The following NMNAT2 variants were observed in gnomAD, a reference collection of about 807,000 sequenced individuals.
NMNAT2 encodes nicotinamide/nicotinic acid mononucleotide adenylyltransferase 2.
In NMNAT2, 11 loss-of-function variants were observed where a neutral mutation model predicts 41.6. The ratio of observed to expected loss-of-function variants is 0.26; its 90% confidence interval spans 0.17 to 0.44. The LOEUF is 0.44. Ranked by LOEUF, NMNAT2 falls within the 20% of genes least tolerant of loss-of-function variation. The pLI, the probability that NMNAT2 is intolerant of heterozygous loss-of-function variation, is 1.00. For synonymous variants in NMNAT2, 148 were observed against 151.2 expected (o/e 0.98, Z 0.16); for missense variants, 288 against 407.7 (o/e 0.71, Z 2.53).
At chr1:183,304,824 A>G in intron 1 of NMNAT2, 1 of 1,601,010 alleles carries the variant, frequency 6.2e-7, no homozygotes, top group Non-Finnish European at 8.5e-7. Flanking sequence ...CTGCTCCCTC[A>G]TTGTTGCTGA....
chr1:183,328,444 C>A (rs1010052834), intron 1 of NMNAT2, among the ~76,000 whole-genome samples: 1 of 152,210 alleles, frequency 6.6e-6, no homozygotes, highest in Non-Finnish European at 1.5e-5. Flanking sequence ...GCCTCCCTAC[C>A]ATTCCTCCTT....
chr1:183,261,221 G>A lies in NMNAT2; in HGVS notation c.734C>T (p.Ser245Leu), dbSNP rs376604367. The change falls in exon 9 of 11, where the codon TCA becomes TTA. Residue 245 changes from serine to leucine, a missense_variant. By Grantham distance (145) the Ser-to-Leu change is moderately radical. Coordinates refer to ENST00000287713, the MANE Select transcript of NMNAT2 (RefSeq NM_015039.4). ...ADTDRIMNHSSILRKYKNNIM... is the reference protein window; with the variant it reads ...ADTDRIMNHSLILRKYKNNIM... ...ACTCACTTTGTATTTGCGGAGTATT[G>A]AGGAGTGATTCATGATTCGGTCTGT... 2 of 1,614,166 alleles carry A rather than the reference G, an allele frequency of 1.2e-6. No homozygotes were observed. The highest frequency in any genetic ancestry group is 2.2e-5 in the South Asian group (2 of 91,086).
At chr1:183,353,153 C>T (rs891644098) in intron 1 of NMNAT2, among the ~76,000 whole-genome samples, 1 of 152,024 alleles carries the variant, frequency 6.6e-6, no homozygotes, top group South Asian at 2.1e-4. Context: ...ATTACAGGTG[C>T]CTGCCATCGT....
At chr1:183,347,927 A>G (rs1279976688) in intron 1 of NMNAT2, among the ~76,000 whole-genome samples, 1 of 152,126 alleles carries the variant, frequency 6.6e-6, no homozygotes, top group African/African-American at 2.4e-5. Context: ...TTCAATGACT[A>G]CTTGCGCTGG....
chr1:183,284,164 G>A, intron 6 of NMNAT2, 125 bp from the exon 7 acceptor site: 2 of 773,356 alleles, frequency 2.6e-6, no homozygotes, highest in Non-Finnish European at 4.2e-6. Flanking sequence ...GTAGGGGTGT[G>A]GTGTGCCACC....
At chr1:183,341,048 G>A (rs1336620846) in intron 1 of NMNAT2, among the ~76,000 whole-genome samples, 2 of 152,224 alleles carry the variant, frequency 1.3e-5, no homozygotes, top group Non-Finnish European at 2.9e-5. Flanking sequence ...CAGCCTGGGC[G>A]ACTTGCCCAA....
chr1:183,309,073 A>T (rs1662054370), intron 1 of NMNAT2, among the ~76,000 whole-genome samples: 1 of 152,132 alleles, frequency 6.6e-6, no homozygotes, highest in Non-Finnish European at 1.5e-5. Context: ...GCTGGAGTGC[A>T]GTGGTGCGAT....
intron 1 of NMNAT2, among the ~76,000 whole-genome samples, chr1:183,369,263 C>CTTTTTTTTTTA (rs1663478852): frequency 7.1e-6 from 1 of 140,088 alleles, no homozygotes; most frequent in Non-Finnish European, 1.5e-5. Flanking sequence ...CTTTTCTTTT[C>CTTTTTTTTTTA]TTTTTTTTTT....
At chr1:183,397,133 T>C (rs1199134318) in intron 1 of NMNAT2, among the ~76,000 whole-genome samples, 1 of 152,180 alleles carries the variant, frequency 6.6e-6, no homozygotes, top group Admixed American at 6.5e-5. Flanking sequence ...TTCTTGAGTG[T>C]GTACTTTTTA....
chr1:183,327,147 C>A (rs530580289), intron 1 of NMNAT2, among the ~76,000 whole-genome samples: 25 of 152,168 alleles, frequency 1.6e-4, no homozygotes, highest in African/African-American at 5.8e-4. Context: ...GCCTCCCAGG[C>A]TCAAGCAATT....
chr1:183,389,914 GGAAA>G (rs1196400848), intron 1 of NMNAT2, among the ~76,000 whole-genome samples: 1 of 145,686 alleles, frequency 6.9e-6, no homozygotes, highest in African/African-American at 2.5e-5. Context: ...AAGGAAGGAA[GGAAA>G]GAAAGAAAAT....
chr1:183,377,200 A>C (rs544028138), intron 1 of NMNAT2, among the ~76,000 whole-genome samples: 1 of 152,232 alleles, frequency 6.6e-6, no homozygotes, highest in East Asian at 1.9e-4. Flanking sequence ...GTGCAACATT[A>C]TATCTGGAGA....
intron 1 of NMNAT2, among the ~76,000 whole-genome samples, chr1:183,319,306 T>C (rs1022961110): frequency 6.6e-6 from 1 of 152,204 alleles, no homozygotes; most frequent in South Asian, 2.1e-4. Context: ...CCTGGAGGCA[T>C]TTACACACCA....
At chr1:183,323,270 C>T (rs939547119) in intron 1 of NMNAT2, among the ~76,000 whole-genome samples, 1 of 152,216 alleles carries the variant, frequency 6.6e-6, no homozygotes, top group African/African-American at 2.4e-5. Context: ...TAAATCTGCA[C>T]CACCACTTCC....
At chr1:183,281,520 A>G (rs1018570137) in intron 7 of NMNAT2, among the ~76,000 whole-genome samples, 1 of 152,246 alleles carries the variant, frequency 6.6e-6, no homozygotes, top group African/African-American at 2.4e-5. Flanking sequence ...ATAATATGGG[A>G]CTTTTATGTT....
chr1:183,414,902 T>A (rs1057222354), intron 1 of NMNAT2, among the ~76,000 whole-genome samples: 1 of 152,184 alleles, frequency 6.6e-6, no homozygotes, highest in South Asian at 2.1e-4. Flanking sequence ...CTATTTAAAA[T>A]GCCTAATTTC....
chr1:183,255,353 G>A (rs774956579), intron 10 of NMNAT2, among the ~76,000 whole-genome samples: 1 of 152,130 alleles, frequency 6.6e-6, no homozygotes, highest in Non-Finnish European at 1.5e-5. Flanking sequence ...GAAGTGTGAT[G>A]CCTCCAACTT....
At chr1:183,281,944 C>T (rs1004198737) in intron 7 of NMNAT2, among the ~76,000 whole-genome samples, 6 of 152,252 alleles carry the variant, frequency 3.9e-5, no homozygotes, top group African/African-American at 1.2e-4. Context: ...CCCCAGGTCA[C>T]GCTGATCCAG....
intron 8 of NMNAT2, among the ~76,000 whole-genome samples, chr1:183,264,604 C>G (rs148669365): frequency 8.0e-4 from 122 of 152,260 alleles, no homozygotes; most frequent in African/African-American, 2.9e-3. Context: ...AATCTGGGTC[C>G]CTTGCCCCCA....
Sources: allele counts gnomAD v4.1 joint callset (sites outside exome capture counted in the v4.1 genomes callset), GRCh38; gene constraint gnomAD v4.1.1; transcripts MANE v1.5; gene names NCBI Gene and HGNC (gene_info 2026-07-23, HGNC 2026-07-21).